SPINK14: variants seen among roughly 807,000 people sequenced by gnomAD.
SPINK14 encodes the protein serine protease inhibitor Kazal-type 14.
SPINK14 carries 6 observed loss-of-function variants against 14.2 expected under a neutral mutation model. The observed-to-expected ratio is 0.42, with a 90% confidence interval of 0.23 to 0.83. SPINK14 has a LOEUF of 0.83. SPINK14 is among the 40% of genes least tolerant of loss of function. The pLI is 0.28. For synonymous variants in SPINK14, 34 were observed against 36.8 expected, an observed-to-expected ratio of 0.92 and a Z score of 0.27; for missense variants, 86 against 108.3, an observed-to-expected ratio of 0.79 and a Z score of 0.91.
chr5:148,175,542 G>A lies in SPINK14; in HGVS notation c.*144G>A. ...CTGAGCTTGTAGCAGATTGTTCAAA[G>A]TTCCTTCCATGGACCTCTCCCCTCA... is the stretch of plus-strand genomic sequence containing the variant. On this transcript the variant is annotated 3_prime_UTR_variant, in exon 5 of 5. Transcript: ENST00000356972. 1 of 624,400 alleles carries A rather than the reference G, an allele frequency of 1.6e-6. No individual in the cohort carries two copies. The highest frequency in any genetic ancestry group is 2.8e-6 in the Non-Finnish European group (1 of 359,786). The allele number at this position is 624,400 out of a possible 1,614,324, so 38.7% of individuals were successfully genotyped here.
intron 2 of SPINK14, 123 bp from the exon 3 acceptor site, chr5:148,170,807 A>C: frequency 1.2e-6 from 1 of 812,864 alleles, no homozygotes; most frequent in Admixed American, 2.5e-5. Flanking sequence ...GTATAAATGA[A>C]ATAATGTTTT....
chr5:148,170,040 ACT>A (rs1218339597), intron 2 of SPINK14, among the ~76,000 whole-genome samples: 1 of 145,866 alleles, frequency 6.9e-6, no homozygotes, highest in Non-Finnish European at 1.5e-5. Flanking sequence ...AGTATTTTAG[ACT>A]CTCTCTGTCT....
intron 1 of SPINK14, among the ~76,000 whole-genome samples, chr5:148,169,110 T>C (rs1399217489): frequency 6.6e-6 from 1 of 152,166 alleles, no homozygotes. Flanking sequence ...AAAATAGCTG[T>C]GGGACCCCAG....
At position 148,174,223 on chromosome 5, in the gene SPINK14, C is replaced by T. The variant is rs769416593; in HGVS notation, c.112-11C>T. ...ATTCTAACTGGATAAATCTTTTCAACTCAATTTCAGGTGAAATGTCCATAT... is the reference window on the plus strand; with the variant it reads ...ATTCTAACTGGATAAATCTTTTCAATTCAATTTCAGGTGAAATGTCCATAT... On this transcript the variant is annotated splice_polypyrimidine_tract_variant and intron_variant, in intron 3 of 4. Transcript: ENST00000356972. The T allele has an allele frequency of 1.1e-5, 12 of 1,109,992 alleles. 4 individuals carry two copies. The Admixed American group carries it at 2.5e-4, about 23-fold the overall frequency. The allele number at this position is 1,109,992 out of a possible 1,614,324, so 68.8% of individuals were successfully genotyped here.
intron 3 of SPINK14, among the ~76,000 whole-genome samples, chr5:148,171,807 A>T (rs552405269): frequency 1.3e-5 from 2 of 152,144 alleles, no homozygotes; most frequent in Non-Finnish European, 2.9e-5. Flanking sequence ...ACTGCCCCAG[A>T]AAATATCTGC....
chr5:148,170,740 T>C (rs1755093769), intron 2 of SPINK14, among the ~76,000 whole-genome samples, 190 bp from the exon 3 acceptor site: 1 of 152,140 alleles, frequency 6.6e-6, no homozygotes, highest in South Asian at 2.1e-4. Flanking sequence ...AGTCCCCTGC[T>C]GATATCAATT....
In SPINK14 at chr5:148,174,126, G is replaced by A; in HGVS notation, c.112-108G>A. 6 of 627,452 alleles carry A rather than the reference G, an allele frequency of 9.6e-6. 2 individuals carry two copies. Among genetic ancestry groups the A allele is most frequent in the South Asian group, 4.2e-5 (2 of 47,462 alleles). The allele number at this position is 627,452 out of a possible 1,614,324, so 38.9% of individuals were successfully genotyped here. A position where few individuals can be genotyped will look rare whatever the true frequency, so the allele number is the denominator to read the frequency against. ...CCCAAAATGTTGGAATGACAGGCAT[G>A]AGCCACCACGCCTAGACTATGCTTA... On this transcript the variant is annotated intron_variant, in intron 3 of 4. Transcript: ENST00000356972.
In SPINK14 at chr5:148,174,303, T is replaced by C; in HGVS notation, c.181T>C (p.Tyr61His). 11 of 1,114,124 alleles carry C rather than the reference T, an allele frequency of 9.9e-6. 4 individuals carry two copies. Among genetic ancestry groups the C allele is most frequent in the Non-Finnish European group, 1.4e-5 (11 of 810,656 alleles). 69.0% of individuals were successfully genotyped at this position (1,114,124 alleles called of 1,614,324 possible). A position where few individuals can be genotyped will look rare whatever the true frequency, so the allele number is the denominator to read the frequency against. The change falls in exon 4 of 5, where the codon TAT becomes CAT. Residue 61 changes from tyrosine (Y) to histidine (H), a missense_variant. Coordinates refer to ENST00000356972, the MANE Select transcript of SPINK14 (RefSeq NM_001001325.2). ...NGTVNPCPGL[Y>H]QPICGTNFIT... ...AACGGTCAACCCCTGCCCTGGCTTA[T>C]ATCAACCCATCTGCGGCACCAATTT...
chr5:148,172,106 A>G (rs192761830), intron 3 of SPINK14, among the ~76,000 whole-genome samples: 1 of 152,292 alleles, frequency 6.6e-6, no homozygotes, highest in Admixed American at 6.5e-5. Context: ...TATAAATACA[A>G]GAAATAAAAT....
At chr5:148,172,057 C>T (rs1316429424) in intron 3 of SPINK14, among the ~76,000 whole-genome samples, 1 of 151,604 alleles carries the variant, frequency 6.6e-6, no homozygotes, top group African/African-American at 2.4e-5. Context: ...TGCAGATAAC[C>T]AAAAAAGGAA....
intron 2 of SPINK14, 145 bp downstream of exon 2, chr5:148,169,944 C>CAT (rs10634880): frequency 0.47 from 164,861 of 353,264 alleles, 41,042 homozygotes; most frequent in Middle Eastern, 0.53. Context: ...TATCCATTGA[C>CAT]GTGTTGCAGA....
rs1354491745 is a variant in SPINK14, at chr5:148,175,547, T to A, written c.*149T>A. ...CTTGTAGCAGATTGTTCAAAGTTCCTTCCATGGACCTCTCCCCTCACTGAC... is the reference window on the plus strand; with the variant it reads ...CTTGTAGCAGATTGTTCAAAGTTCCATCCATGGACCTCTCCCCTCACTGAC... On this transcript the variant is annotated 3_prime_UTR_variant, in exon 5 of 5. Transcript: ENST00000356972. 1.6e-6 allele frequency: 1 copy of A among 606,264 alleles called. No homozygotes were observed. The highest frequency in any genetic ancestry group is 3.5e-5 in the Admixed American group (1 of 28,794). 37.6% of individuals were successfully genotyped at this position (606,264 alleles called of 1,614,324 possible).
intron 2 of SPINK14, among the ~76,000 whole-genome samples, chr5:148,170,372 G>C (rs1026763868): frequency 6.6e-6 from 1 of 151,954 alleles, no homozygotes; most frequent in African/African-American, 2.4e-5. Flanking sequence ...ATGCATACAT[G>C]AGATCACATC....
In SPINK14 at chr5:148,175,415, G is replaced by A; in HGVS notation, c.*17G>A. 1 of 1,572,690 alleles carries A rather than the reference G, an allele frequency of 6.4e-7. No homozygotes were observed. The highest frequency in any genetic ancestry group is 8.6e-7 in the Non-Finnish European group (1 of 1,156,192). On this transcript the variant is annotated 3_prime_UTR_variant, in exon 5 of 5. Coordinates refer to ENST00000356972, the MANE Select transcript of SPINK14 (RefSeq NM_001001325.2). ...AAATGTTAGCTGAGTGGACTTGAAT[G>A]TGGAAGATATCTTCTTTTTTTTTTC...
At chr5:148,169,513 T>G (rs1161261935) in intron 1 of SPINK14, among the ~76,000 whole-genome samples, 148 bp from the exon 2 acceptor site, 1 of 152,164 alleles carries the variant, frequency 6.6e-6, no homozygotes, top group African/African-American at 2.4e-5. Context: ...ATCAAGATAG[T>G]TATTCAAGGT....
chr5:148,172,386 A>AAG (rs370620148), intron 3 of SPINK14, among the ~76,000 whole-genome samples: 3 of 151,584 alleles, frequency 2.0e-5, no homozygotes, highest in Admixed American at 6.6e-5. Flanking sequence ...ACTTCCTCCA[A>AAG]AGAGAGAGAG....
At chr5:148,171,886 T>C (rs1755109888) in intron 3 of SPINK14, among the ~76,000 whole-genome samples, 1 of 152,112 alleles carries the variant, frequency 6.6e-6, no homozygotes, top group South Asian at 2.1e-4. Context: ...TGCAGAAATT[T>C]ACCTGCAGGA....
At chr5:148,173,112 T>C (rs1156951851) in intron 3 of SPINK14, among the ~76,000 whole-genome samples, 1 of 152,026 alleles carries the variant, frequency 6.6e-6, no homozygotes, top group Non-Finnish European at 1.5e-5. Flanking sequence ...GGCCTGGCCA[T>C]GATGGTGGTG....
At chr5:148,171,375 T>C (rs1156195) in intron 3 of SPINK14, among the ~76,000 whole-genome samples, 84,694 of 151,956 alleles carry the variant, frequency 0.56, 23,958 homozygotes, top group Middle Eastern at 0.64. Context: ...AATGCCTATG[T>C]AAGTTGTGAA....
Sources: allele counts gnomAD v4.1 joint callset (sites outside exome capture counted in the v4.1 genomes callset), GRCh38; gene constraint gnomAD v4.1.1; transcripts MANE v1.5; gene names NCBI Gene and HGNC (gene_info 2026-07-23, HGNC 2026-07-21).